The following NCF2 variants were observed in gnomAD, a reference collection of about 807,000 sequenced individuals.
The protein encoded by NCF2 is neutrophil cytosolic factor 2, also known as neutrophil cytosol factor 2.
In NCF2, 45 loss-of-function variants were observed where a neutral mutation model predicts 70.9. The ratio of observed to expected loss-of-function variants is 0.63; its 90% CI spans 0.50 to 0.81. The LOEUF is 0.81. Ranked by LOEUF, NCF2 falls within the 40% of genes least tolerant of loss-of-function variation. The pLI, the probability that NCF2 is intolerant of heterozygous loss-of-function variation, is 0.00. For missense variants in NCF2, 522 were observed against 631.6 expected, an observed-to-expected ratio of 0.83 and a Z score of 1.86; for synonymous variants, 203 against 233.6, an observed-to-expected ratio of 0.87 and a Z score of 1.19.
At chr1:183,597,563 A>G in the NCF2 span, among the ~76,000 whole-genome samples, 2 of 152,208 alleles carry the variant, frequency 1.3e-5, no homozygotes, top group Non-Finnish European at 2.9e-5. Context: ...CTGTCACCCA[A>G]ATAGTGAACA....
chr1:183,601,292 G>A, the NCF2 span, among the ~76,000 whole-genome samples: 3 of 152,086 alleles, frequency 2.0e-5, no homozygotes, highest in African/African-American at 7.2e-5. Context: ...TTTGTTTATG[G>A]CTGTGTAATT....
In NCF2 at chr1:183,581,911, C is replaced by A. The variant is rs34157425; in HGVS notation, c.258-4204G>T. Among the ~76,000 whole-genome samples, 300 of 152,320 alleles carry A rather than the reference C, an allele frequency of 2.0e-3. 1 individual carries two copies. The highest frequency in any genetic ancestry group is 6.4e-3 in the African/African-American group (265 of 41,578). ...CTCGATCTCCTTACCTCGTGATCCGCCCGCCTCGGCCTCCCAAAGTGCTGG... is the reference window on the plus strand; with the variant it reads ...CTCGATCTCCTTACCTCGTGATCCGACCGCCTCGGCCTCCCAAAGTGCTGG... On this transcript the variant is annotated intron_variant, in intron 2 of 14. Transcript: ENST00000367535.
intron 13 of NCF2, among the ~76,000 whole-genome samples, chr1:183,562,661 C>T (rs1042338846): frequency 2.0e-5 from 3 of 151,992 alleles, no homozygotes; most frequent in Non-Finnish European, 2.9e-5. Context: ...GGTGAAACCC[C>T]GTCTCTACTA....
At chr1:183,596,243 C>T in the NCF2 span, among the ~76,000 whole-genome samples, 1 of 149,278 alleles carries the variant, frequency 6.7e-6, no homozygotes, top group South Asian at 2.2e-4. Context: ...ATTTGCTTGG[C>T]TAAATATATG....
At chr1:183,557,495 C>G (rs1387953040) in intron 14 of NCF2, among the ~76,000 whole-genome samples, 3 of 152,232 alleles carry the variant, frequency 2.0e-5, no homozygotes, top group African/African-American at 7.2e-5. Context: ...GCAGGTGATT[C>G]ACATGCACAT....
upstream of NCF2, chr1:183,590,920 C>G (rs1164639360): frequency 6.0e-6 from 1 of 165,988 alleles, no homozygotes; most frequent in East Asian, 1.8e-4. Flanking sequence ...GTGAGAACTT[C>G]TGTTCCTGTT....
chr1:183,567,242 CCTT>C lies in NCF2; in HGVS notation c.814_816del (p.Lys272del), dbSNP rs778751639. On this transcript the variant is annotated inframe_deletion, in exon 8 of 15. Transcript: ENST00000367535. ...ATGACCGTGGCCCAGTTATCATTGC[CCTT>C]CTTCAAGACAAAGACAATGTTCCCT... The C allele has an allele frequency of 2.1e-5, 34 of 1,614,056 alleles. No homozygotes were observed. Among genetic ancestry groups the C allele is most frequent in the Non-Finnish European group, 2.5e-5 (29 of 1,180,032 alleles).
At chr1:183,568,168 C>A (rs549993576) in intron 7 of NCF2, among the ~76,000 whole-genome samples, 1 of 145,768 alleles carries the variant, frequency 6.9e-6, no homozygotes, top group Non-Finnish European at 1.5e-5. Flanking sequence ...ACTTTTGTCA[C>A]TTTTTTTTTT....
At chr1:183,570,638 A>C (rs1672500752) in intron 6 of NCF2, 142 bp downstream of exon 6, 1 of 810,750 alleles carries the variant, frequency 1.2e-6, no homozygotes, top group African/African-American at 1.7e-5. Context: ...GAGAGAGGGC[A>C]GGCAGATCCC....
intron 14 of NCF2, among the ~76,000 whole-genome samples, chr1:183,557,706 T>C (rs1055607093): frequency 6.6e-6 from 1 of 152,192 alleles, no homozygotes; most frequent in African/African-American, 2.4e-5. Flanking sequence ...AAAGGTTGTT[T>C]TAGTGTGTTC....
intron 2 of NCF2, among the ~76,000 whole-genome samples, chr1:183,579,394 A>C (rs1572168722): frequency 6.6e-6 from 1 of 152,074 alleles, no homozygotes; most frequent in African/African-American, 2.4e-5. Context: ...ACGGCAAGTT[A>C]CCTAGCTTCC....
At position 183,590,158 on chromosome 1, in the gene NCF2, T is replaced by A. The variant is rs898012170; in HGVS notation, c.172A>T (p.Lys58Ter). 6 of 1,614,014 alleles carry A rather than the reference T, an allele frequency of 3.7e-6. No individual in the cohort carries two copies. Among genetic ancestry groups the A allele is most frequent in the Non-Finnish European group, 5.1e-6 (6 of 1,180,016 alleles). ...TILKNMTEAE[K>*]AFTRSINRDK... ...CGGAAAGAGGCACCTCCACTCACCT[T>A]CTCTGCTTCAGTCATGTTCTTCAGG... The change falls in exon 1 of 15, where the codon AAG becomes TAG. Residue 58 changes from lysine (K) to a stop codon, truncating the protein, a stop_gained and splice_region_variant. Transcript: ENST00000367535. LOFTEE classifies it high-confidence loss of function.
chr1:183,599,440 TTC>T, the NCF2 span, among the ~76,000 whole-genome samples: 1 of 99,162 alleles, frequency 1.0e-5, no homozygotes, highest in Non-Finnish European at 2.3e-5. Flanking sequence ...CTTTCTTTCT[TTC>T]TTTCTTTCTT....
intron 6 of NCF2, among the ~76,000 whole-genome samples, chr1:183,569,870 G>A (rs945249763): frequency 3.3e-5 from 5 of 152,170 alleles, no homozygotes; most frequent in Admixed American, 6.5e-5. Flanking sequence ...GATTATAGGC[G>A]TGAGCCACTG....
Position 183,555,785 on chromosome 1 carries a change from TAC to T in NCF2, c.*331_*332del, listed in dbSNP as rs1410644671. Reference sequence around the variant, plus strand: ...CCAAATGTACAGCTTGATGAATGTTTACAGTGTGAACACAGCTGGCTAGCTAG... The same window carrying T: ...CCAAATGTACAGCTTGATGAATGTTTAGTGTGAACACAGCTGGCTAGCTAG... On this transcript the variant is annotated 3_prime_UTR_variant, in exon 15 of 15. Coordinates refer to ENST00000367535, the MANE Select transcript of NCF2 (RefSeq NM_000433.4). 1 of 344,326 alleles carries T rather than the reference TAC, an allele frequency of 2.9e-6. No homozygotes were observed. Among genetic ancestry groups the T allele is most frequent in the Admixed American group, 4.4e-5 (1 of 22,886 alleles). The allele number at this position is 344,326 out of a possible 1,614,324, so 21.3% of individuals were successfully genotyped here. A position where few individuals can be genotyped will look rare whatever the true frequency, so the allele number is the denominator to read the frequency against.
At chr1:183,560,892 A>C (rs745524069) in intron 13 of NCF2, among the ~76,000 whole-genome samples, 2 of 152,236 alleles carry the variant, frequency 1.3e-5, no homozygotes, top group Non-Finnish European at 2.9e-5. Context: ...CAGAGCCCTA[A>C]GTCAAAACTG....
intron 6 of NCF2, among the ~76,000 whole-genome samples, chr1:183,569,628 G>T (rs763969597): frequency 2.6e-5 from 4 of 151,938 alleles, no homozygotes; most frequent in African/African-American, 7.3e-5. Context: ...TCACTCTGTC[G>T]CCCAGGCTGG....
chr1:183,594,882 G>C (rs1025778433), upstream of NCF2, among the ~76,000 whole-genome samples: 4 of 152,020 alleles, frequency 2.6e-5, no homozygotes, highest in African/African-American at 9.7e-5. Flanking sequence ...CCTACATTTA[G>C]ATTTTAGTGT....
At chr1:183,588,999 C>T (rs1407962763) in intron 1 of NCF2, among the ~76,000 whole-genome samples, 1 of 152,232 alleles carries the variant, frequency 6.6e-6, no homozygotes. Context: ...GTTCACTCAG[C>T]CCCTCAGCAG....
Sources: allele counts gnomAD v4.1 joint callset (sites outside exome capture counted in the v4.1 genomes callset), GRCh38; gene constraint gnomAD v4.1.1; transcripts MANE v1.5; gene names NCBI Gene and HGNC (gene_info 2026-07-23, HGNC 2026-07-21).